Variants in RNF38 observed in about 807,000 individuals in gnomAD.
RNF38 encodes the protein E3 ubiquitin-protein ligase RNF38.
A neutral mutation model predicts 67.2 loss-of-function variants in RNF38; 15 were observed. The observed-to-expected ratio is 0.22, with a 90% CI of 0.15 to 0.34. RNF38 has a LOEUF of 0.34. RNF38 is among the 10% of genes least tolerant of loss of function. The pLI is 1.00. For synonymous variants in RNF38, 220 were observed against 218.8 expected (o/e 1.01, Z -0.05); for missense variants, 524 against 639.9 (o/e 0.82, Z 1.95).
At chr9:36,400,654 A>C (rs1837947147), upstream of RNF38, 1 of 985,560 alleles carries the variant, frequency 1.0e-6, no homozygotes. Flanking sequence ...CCAGCTCGCC[A>C]GATCCGCCGT....
intron 2 of RNF38, among the ~76,000 whole-genome samples, chr9:36,423,855 A>C (rs1405597253): frequency 2.7e-5 from 2 of 75,280 alleles, no homozygotes; most frequent in Admixed American, 1.2e-4. Context: ...AGGCTGAGGC[A>C]GGAGAATGGC....
chr9:36,349,939 C>T (rs911520316), intron 9 of RNF38, among the ~76,000 whole-genome samples: 3 of 152,158 alleles, frequency 2.0e-5, no homozygotes, highest in East Asian at 1.9e-4. Flanking sequence ...CAGCCTCCCC[C>T]TCCCGAGTAG....
At chr9:36,471,723 T>A (rs1840002474) in intron 1 of RNF38, among the ~76,000 whole-genome samples, 1 of 152,208 alleles carries the variant, frequency 6.6e-6, no homozygotes, top group Non-Finnish European at 1.5e-5. Context: ...TAACTTCAGT[T>A]TTTATCTCAA....
chr9:36,426,098 A>G (rs1417983943), intron 1 of RNF38, among the ~76,000 whole-genome samples: 1 of 152,238 alleles, frequency 6.6e-6, no homozygotes, highest in Non-Finnish European at 1.5e-5. Flanking sequence ...TATTACAGTA[A>G]GAGCTTACTG....
intron 2 of RNF38, among the ~76,000 whole-genome samples, chr9:36,409,806 C>G (rs1259790588): frequency 6.6e-6 from 1 of 152,184 alleles, no homozygotes; most frequent in East Asian, 1.9e-4. Flanking sequence ...ATTCTACAGG[C>G]CCTCCAGACT....
intron 8 of RNF38, among the ~76,000 whole-genome samples, chr9:36,352,237 T>A (rs900682943): frequency 8.8e-4 from 133 of 151,994 alleles, no homozygotes; most frequent in African/African-American, 3.1e-3. Context: ...GAGGCAGAGC[T>A]TGCAGTGAGC....
At chr9:36,401,198 GGGGGCGGGGCGGGGC>G (rs760862263), upstream of RNF38, 30 of 971,102 alleles carry the variant, frequency 3.1e-5, no homozygotes, top group Middle Eastern at 5.4e-4. Context: ...CGAGGGGGAA[GGGGGCGGGGCGGGGC>G]GGGGCGGGGC....
chr9:36,402,280 C>G (rs913006018), upstream of RNF38, among the ~76,000 whole-genome samples: 1 of 152,204 alleles, frequency 6.6e-6, no homozygotes, highest in African/African-American at 2.4e-5. Flanking sequence ...ACCCAGTTAA[C>G]CAGCTGGCTG....
intron 1 of RNF38, among the ~76,000 whole-genome samples, chr9:36,396,847 A>AC (rs1306716107): frequency 9.2e-5 from 14 of 151,650 alleles, no homozygotes; most frequent in African/African-American, 3.2e-4. Flanking sequence ...GGTAGAACTG[A>AC]CCCTCTGAGA....
At chr9:36,353,090 G>T in intron 7 of RNF38, 80 bp downstream of exon 7, 1 of 1,204,284 alleles carries the variant, frequency 8.3e-7, no homozygotes, top group Non-Finnish European at 1.2e-6. Context: ...TTCTAAATAT[G>T]GTGAATTATA....
rs187021649 is a variant in RNF38, at chr9:36,420,315, G to A, written n.312+4298C>T. ...TGGGAGGCCGAGGCGGGTGGGTCAC[G>A]AGGTCAGGAGATCGAGACCATCCTG... On this transcript the variant is annotated intron_variant and non_coding_transcript_variant, in intron 2 of 3. Transcript: ENST00000488058. Among the ~76,000 whole-genome samples, 1,054 of 151,948 alleles carry A rather than the reference G, an allele frequency of 6.9e-3. 14 individuals carry two copies. Among genetic ancestry groups the A allele is most frequent in the African/African-American group, 0.024 (986 of 41,458 alleles).
rs966915399 is a variant in RNF38, at chr9:36,430,929, T to A, written n.242-6246A>T. 2.0e-5 allele frequency among the ~76,000 whole-genome samples: 3 copies of A among 151,912 alleles called. No homozygotes were observed. In the East Asian group the frequency reaches 5.8e-4, roughly 29 times the overall value. On this transcript the variant is annotated intron_variant and non_coding_transcript_variant, in intron 1 of 3. Transcript: ENST00000488058. Reference sequence around the variant, plus strand: ...TTTATGAGTTGTCCACACCAAGCAATCCTTCAGTTCTCCACGGACATCACT... The same window carrying A: ...TTTATGAGTTGTCCACACCAAGCAAACCTTCAGTTCTCCACGGACATCACT...
intron 1 of RNF38, among the ~76,000 whole-genome samples, chr9:36,454,519 G>A (rs1278466184): frequency 1.4e-5 from 2 of 146,114 alleles, no homozygotes; most frequent in Admixed American, 1.4e-4. Flanking sequence ...TATGTTAGGT[G>A]TTTCTGAAAA....
At chr9:36,351,086 C>G in intron 9 of RNF38, 29 bp downstream of exon 9, 1 of 1,461,010 alleles carries the variant, frequency 6.8e-7, no homozygotes, top group Non-Finnish European at 9.6e-7. Flanking sequence ...ACAATATTCC[C>G]CAAATTAATT....
At chr9:36,407,149 C>T (rs148422069) in intron 2 of RNF38, among the ~76,000 whole-genome samples, 247 of 152,342 alleles carry the variant, frequency 1.6e-3, no homozygotes, top group African/African-American at 5.2e-3. Flanking sequence ...GCAGTTTCAC[C>T]CAGAAATGTT....
At chr9:36,389,068 A>C (rs1836868356) in intron 2 of RNF38, among the ~76,000 whole-genome samples, 1 of 152,154 alleles carries the variant, frequency 6.6e-6, no homozygotes, top group Non-Finnish European at 1.5e-5. Context: ...GGGCAAAAAA[A>C]ACCTTCTAGA....
chr9:36,402,040 T>C (rs189701857), upstream of RNF38, among the ~76,000 whole-genome samples: 7 of 152,340 alleles, frequency 4.6e-5, no homozygotes, highest in Admixed American at 3.9e-4. Flanking sequence ...TATGTACACT[T>C]GTCTCCCATA....
chr9:36,344,765 T>G, intron 10 of RNF38, 67 bp downstream of exon 10: 1 of 1,518,162 alleles, frequency 6.6e-7, no homozygotes, highest in Non-Finnish European at 9.1e-7. Context: ...CCTTAATGAC[T>G]CTTAAGCTTT....
chr9:36,438,789 C>T (rs1428301633), intron 1 of RNF38, among the ~76,000 whole-genome samples: 2 of 152,194 alleles, frequency 1.3e-5, no homozygotes, highest in Admixed American at 1.3e-4. Flanking sequence ...GACATCTTCC[C>T]CTGCTCGGGA....
Sources: gnomAD v4.1 joint callset for allele counts (sites outside exome capture counted in the v4.1 genomes callset) on GRCh38, gnomAD v4.1.1 for gene constraint, MANE v1.5 for transcripts, NCBI Gene and HGNC (gene_info 2026-07-23, HGNC 2026-07-21) for gene names.